The following NUFIP2 variants were observed in gnomAD, a reference collection of about 807,000 sequenced individuals.
NUFIP2 encodes nuclear FMR1 interacting protein 2.
NUFIP2 carries 6 observed loss-of-function variants against 56.9 expected under a neutral mutation model. The observed-to-expected ratio is 0.11, with a 90% CI of 0.06 to 0.21. The LOEUF (loss-of-function observed/expected upper bound fraction) is 0.21. Among genes scored for constraint, NUFIP2 ranks in the 10% least tolerant of loss-of-function variants. The probability of loss-of-function intolerance (pLI) is 1.00; values close to 1 mark genes in which losing one functional copy is unlikely to be tolerated. For synonymous variants in NUFIP2, 321 were observed against 298.2 expected (o/e 1.08, Z -0.79); for missense variants, 828 against 826.8 (o/e 1.00, Z -0.02).
At chr17:29,282,148 C>T (rs1774986972) in intron 2 of NUFIP2, among the ~76,000 whole-genome samples, 1 of 152,052 alleles carries the variant, frequency 6.6e-6, no homozygotes, top group South Asian at 2.1e-4. Context: ...CCATAGTACG[C>T]TTAAGGTTCC....
At chr17:29,280,650 C>T (rs1305597855) in intron 2 of NUFIP2, among the ~76,000 whole-genome samples, 1 of 151,744 alleles carries the variant, frequency 6.6e-6, no homozygotes, top group Non-Finnish European at 1.5e-5. Flanking sequence ...CATACCACTG[C>T]ATTCCAGCCT....
rs1451486237 is a variant in NUFIP2, at chr17:29,255,842, A to G, written c.*8697T>C. 6.6e-6 allele frequency: 1 copy of G among 152,244 alleles called. No homozygotes were observed. The highest frequency in any genetic ancestry group is 1.5e-5 in the Non-Finnish European group (1 of 68,046). 9.4% of individuals were successfully genotyped at this position (152,244 alleles called of 1,614,324 possible). A position where few individuals can be genotyped will look rare whatever the true frequency, so the allele number is the denominator to read the frequency against. ...ACAAAAGATAACAAACACCTCAGAA[A>G]CTTTAAAATTTTTTATTCAACAATG... On this transcript the variant is annotated 3_prime_UTR_variant, in exon 4 of 4. Coordinates refer to ENST00000225388, the MANE Select transcript of NUFIP2 (RefSeq NM_020772.3).
intron 2 of NUFIP2, among the ~76,000 whole-genome samples, chr17:29,272,398 G>C (rs1477050377): frequency 6.6e-6 from 1 of 151,888 alleles, no homozygotes; most frequent in African/African-American, 2.4e-5. Context: ...ATGCCACCAA[G>C]CCCGGCTAAT....
intron 2 of NUFIP2, among the ~76,000 whole-genome samples, chr17:29,274,117 T>C (rs894802345): frequency 3.9e-5 from 6 of 152,176 alleles, no homozygotes; most frequent in African/African-American, 1.2e-4. Flanking sequence ...GTCGGTGGTA[T>C]GTGTGTGCTT....
rs529020414 is a variant in NUFIP2, at chr17:29,264,368, T to A, written c.*171A>T. ...TCTAATTACTTTCAGTTGCCTTTTTTAAATAACTATATATATATATATGTA... is the reference window on the plus strand; with the variant it reads ...TCTAATTACTTTCAGTTGCCTTTTTAAAATAACTATATATATATATATGTA... On this transcript the variant is annotated 3_prime_UTR_variant, in exon 4 of 4. Coordinates refer to ENST00000225388, the MANE Select transcript of NUFIP2 (RefSeq NM_020772.3). 128 of 210,596 alleles carry A rather than the reference T, an allele frequency of 6.1e-4. 1 individual carries two copies. The East Asian group carries it at 0.013, about 21-fold the overall frequency. The allele number at this position is 210,596 out of a possible 1,614,324, so 13.0% of individuals were successfully genotyped here.
chr17:29,287,202 G>A lies in NUFIP2; in HGVS notation c.792C>T (p.Asp264=). The change falls in exon 2 of 4, where the codon GAC becomes GAT. Residue 264 remains aspartate, a synonymous_variant. Transcript: ENST00000225388. Reference sequence around the variant, plus strand: ...CTCGATTTCCCTTTTGTTCACTATAGTCAGGCTTGAAAGTTTCAAGTCCCT... The same window carrying A: ...CTCGATTTCCCTTTTGTTCACTATAATCAGGCTTGAAAGTTTCAAGTCCCT... ...LKQGLETFKP[D]YSEQKGNRVD... 1.9e-6 allele frequency: 3 copies of A among 1,614,168 alleles called. No homozygotes were observed. Among genetic ancestry groups the A allele is most frequent in the Non-Finnish European group, 2.5e-6 (3 of 1,180,036 alleles).
Position 29,262,267 on chromosome 17 carries a change from C to T in NUFIP2, c.*2272G>A, listed in dbSNP as rs2153010411. On this transcript the variant is annotated 3_prime_UTR_variant, in exon 4 of 4. Transcript: ENST00000225388. ...GGGGACTAGAGAGGGGAATCTGGCC[C>T]TAAGGCGACAAGTGGTTACACAAGG... 1 of 152,614 alleles carries T rather than the reference C, an allele frequency of 6.6e-6. No homozygotes were observed. The highest frequency in any genetic ancestry group is 1.5e-5 in the Non-Finnish European group (1 of 67,988). The allele number at this position is 152,614 out of a possible 1,614,324, so 9.5% of individuals were successfully genotyped here.
In NUFIP2 at chr17:29,256,808, CTTG is replaced by C. The variant is rs2068973911; in HGVS notation, c.*7728_*7730del. On this transcript the variant is annotated 3_prime_UTR_variant, in exon 4 of 4. Coordinates refer to ENST00000225388, the MANE Select transcript of NUFIP2 (RefSeq NM_020772.3). ...GAACCAAATGTACCCAACTCCTAAA[CTTG>C]TTCTAATCAGCTTGGGCAATTTTTT... 6.6e-6 allele frequency: 1 copy of C among 152,188 alleles called. No homozygotes were observed. The highest frequency in any genetic ancestry group is 2.4e-5 in the African/African-American group (1 of 41,462). 9.4% of individuals were successfully genotyped at this position (152,188 alleles called of 1,614,324 possible). A position where few individuals can be genotyped will look rare whatever the true frequency, so the allele number is the denominator to read the frequency against.
chr17:29,271,873 C>T (rs2069074649), intron 2 of NUFIP2, among the ~76,000 whole-genome samples: 1 of 152,014 alleles, frequency 6.6e-6, no homozygotes, highest in East Asian at 1.9e-4. Context: ...GAGTTCAAGA[C>T]CAGCCTGACC....
At position 29,261,552 on chromosome 17, in the gene NUFIP2, C is replaced by T. The variant is rs565185008; in HGVS notation, c.*2987G>A. 8 of 152,148 alleles carry T rather than the reference C, an allele frequency of 5.3e-5. No individual in the cohort carries two copies. Among genetic ancestry groups the T allele is most frequent in the Non-Finnish European group, 1.0e-4 (7 of 67,980 alleles). The allele number at this position is 152,148 out of a possible 1,614,324, so 9.4% of individuals were successfully genotyped here. On this transcript the variant is annotated 3_prime_UTR_variant, in exon 4 of 4. Transcript: ENST00000225388. ...AAATTCTTTATACCAAACAATAACACGTTATTTAAATGTGCTAAATTAATC... is the reference window on the plus strand; with the variant it reads ...AAATTCTTTATACCAAACAATAACATGTTATTTAAATGTGCTAAATTAATC...
intron 1 of NUFIP2, among the ~76,000 whole-genome samples, chr17:29,293,072 C>G (rs529591358): frequency 6.6e-6 from 1 of 151,540 alleles, no homozygotes; most frequent in African/African-American, 2.4e-5. Flanking sequence ...GGACAGGAAG[C>G]GGCCCCGCGA....
intron 2 of NUFIP2, among the ~76,000 whole-genome samples, chr17:29,279,872 G>A (rs1182126737): frequency 1.3e-5 from 2 of 152,110 alleles, no homozygotes; most frequent in African/African-American, 2.4e-5. Context: ...TGGATAGAGT[G>A]CAGTGGTGTG....
Position 29,256,157 on chromosome 17 carries a change from T to G in NUFIP2, c.*8382A>C, listed in dbSNP as rs1303614527. On this transcript the variant is annotated 3_prime_UTR_variant, in exon 4 of 4. Transcript: ENST00000225388. Reference sequence around the variant, plus strand: ...ATTTTTGACTGGGCAAAACAAACATTGAAACTTTTTTTTGAGCGGGGGGAA... The same window carrying G: ...ATTTTTGACTGGGCAAAACAAACATGGAAACTTTTTTTTGAGCGGGGGGAA... 6.6e-6 allele frequency: 1 copy of G among 152,184 alleles called. No homozygotes were observed. The highest frequency in any genetic ancestry group is 2.4e-5 in the African/African-American group (1 of 41,446). 9.4% of individuals were successfully genotyped at this position (152,184 alleles called of 1,614,324 possible). A position where few individuals can be genotyped will look rare whatever the true frequency, so the allele number is the denominator to read the frequency against.
chr17:29,276,809 TG>T (rs1291706820), intron 2 of NUFIP2, among the ~76,000 whole-genome samples: 1 of 152,154 alleles, frequency 6.6e-6, no homozygotes, highest in African/African-American at 2.4e-5. Flanking sequence ...GAAGTAATAA[TG>T]TAACTGTAAA....
At chr17:29,272,724 T>C (rs1052596611) in intron 2 of NUFIP2, among the ~76,000 whole-genome samples, 3 of 152,222 alleles carry the variant, frequency 2.0e-5, no homozygotes, top group Non-Finnish European at 4.4e-5. Context: ...CATTATATTA[T>C]TGGAAAAGGA....
intron 3 of NUFIP2, 110 bp downstream of exon 3, chr17:29,267,388 C>A: frequency 1.6e-6 from 1 of 644,582 alleles, no homozygotes; most frequent in South Asian, 1.9e-5. Flanking sequence ...TTAAATAACT[C>A]AAAATACAAA....
At chr17:29,272,416 A>G (rs536873202) in intron 2 of NUFIP2, among the ~76,000 whole-genome samples, 1 of 151,836 alleles carries the variant, frequency 6.6e-6, no homozygotes, top group South Asian at 2.1e-4. Flanking sequence ...AATTTCTTGT[A>G]TTTTTAGTAG....
rs2069000974 is a variant in NUFIP2 at position 29,261,281 on chromosome 17, T to C, written c.*3258A>G. The C allele has an allele frequency of 6.6e-6, 1 of 152,132 alleles. No homozygotes were observed. The highest frequency in any genetic ancestry group is 1.5e-5 in the Non-Finnish European group (1 of 68,002). The allele number at this position is 152,132 out of a possible 1,614,324, so 9.4% of individuals were successfully genotyped here. ...TAAGGATTTAAACCACCTGACTTTT[T>C]TCTGTGTAATGAAAACAAATGGCAC... On this transcript the variant is annotated 3_prime_UTR_variant, in exon 4 of 4. Transcript: ENST00000225388.
chr17:29,275,304 A>G (rs7214257), intron 2 of NUFIP2, among the ~76,000 whole-genome samples: 34,192 of 151,962 alleles, frequency 0.23, 4,301 homozygotes, highest in South Asian at 0.35. Context: ...GATTACAGGC[A>G]TGAGCCACCA....
Sources: gnomAD v4.1 joint callset for allele counts (sites outside exome capture counted in the v4.1 genomes callset) on GRCh38, gnomAD v4.1.1 for gene constraint, MANE v1.5 for transcripts, NCBI Gene and HGNC (gene_info 2026-07-23, HGNC 2026-07-21) for gene names.